The following ARMC8 variants were observed in gnomAD, a reference collection of about 807,000 sequenced individuals.
ARMC8 encodes armadillo repeat containing 8, also known as armadillo repeat-containing protein 8.
In ARMC8, 20 loss-of-function variants were observed where a neutral mutation model predicts 99.3. The observed-to-expected ratio is 0.20, with a 90% CI of 0.14 to 0.29. The LOEUF is 0.29. Among genes scored for constraint, ARMC8 ranks in the 10% least tolerant of loss-of-function variants. The probability of loss-of-function intolerance (pLI) is 1.00; values close to 1 mark genes in which losing one functional copy is unlikely to be tolerated. For missense variants in ARMC8, 569 were observed against 809.5 expected, an observed-to-expected ratio of 0.70 and a Z score of 3.60; for synonymous variants, 263 against 278.3, an observed-to-expected ratio of 0.95 and a Z score of 0.55.
chr3:138,222,917 G>T (rs2045479657), intron 3 of ARMC8, among the ~76,000 whole-genome samples: 1 of 152,186 alleles, frequency 6.6e-6, no homozygotes, highest in South Asian at 2.1e-4. Context: ...GGAGAAAGAA[G>T]AAACTACCTT....
chr3:138,200,084 A>G (rs1004152831), intron 1 of ARMC8, among the ~76,000 whole-genome samples: 4 of 152,186 alleles, frequency 2.6e-5, no homozygotes, highest in South Asian at 2.1e-4. Context: ...TTTTTTGGCT[A>G]TCTTGAAGTG....
chr3:138,234,775 T>C (rs148126590), intron 6 of ARMC8, among the ~76,000 whole-genome samples: 7 of 152,338 alleles, frequency 4.6e-5, no homozygotes, highest in Middle Eastern at 3.4e-3. Context: ...TGTGCCAACA[T>C]AGCTTCTGGG....
At chr3:138,286,190 G>A (rs1348465902) in intron 19 of ARMC8, among the ~76,000 whole-genome samples, 1 of 152,150 alleles carries the variant, frequency 6.6e-6, no homozygotes, top group Non-Finnish European at 1.5e-5. Context: ...TGATCCACCT[G>A]TCTCGGCCTC....
chr3:138,220,310 A>G (rs1321608691), intron 2 of ARMC8, among the ~76,000 whole-genome samples: 3 of 152,246 alleles, frequency 2.0e-5, no homozygotes, highest in Non-Finnish European at 4.4e-5. Context: ...TAACAACCTC[A>G]GTAAACTTCA....
intron 1 of ARMC8, chr3:138,188,329 C>A: frequency 1.6e-6 from 2 of 1,253,278 alleles, no homozygotes; most frequent in South Asian, 1.7e-5. Flanking sequence ...GATTTATTTC[C>A]CCATTGTTGA....
chr3:138,230,621 T>A (rs2045981260), intron 6 of ARMC8, among the ~76,000 whole-genome samples: 1 of 152,108 alleles, frequency 6.6e-6, no homozygotes, highest in African/African-American at 2.4e-5. Context: ...ACCACTGTAC[T>A]TCAGCCTGAG....
In ARMC8 at chr3:138,231,961, C is replaced by CTTTTTT. The variant is rs61298993; in HGVS notation, c.528+2973_528+2978dup. 1.4e-3 allele frequency among the ~76,000 whole-genome samples: 85 copies of CTTTTTT among 58,636 alleles called. 19 individuals carry two copies. The highest frequency in any genetic ancestry group is 5.9e-3 in the African/African-American group (72 of 12,176). 38.5% of individuals were successfully genotyped at this position (58,636 alleles called of 152,430 possible). ...GCCACTAATTCTTTCCTTGCAATTG[C>CTTTTTT]TTTTTTTTTTTTTTTTTTTTTTTTT... On this transcript the variant is annotated intron_variant, in intron 6 of 21. Coordinates refer to ENST00000469044, the MANE Select transcript of ARMC8 (RefSeq NM_001363941.2).
intron 11 of ARMC8, 145 bp downstream of exon 11, chr3:138,242,128 G>A: frequency 1.5e-6 from 1 of 681,240 alleles, no homozygotes; most frequent in Non-Finnish European, 2.4e-6. Context: ...AGATAATATT[G>A]CTTTGTGAAT....
chr3:138,229,143 T>A (rs1386820540), intron 6 of ARMC8, 133 bp downstream of exon 6: 1 of 44,696 alleles, frequency 2.2e-5, no homozygotes, highest in Non-Finnish European at 3.8e-5. Context: ...TGTATATATA[T>A]ATATATATAT....
Position 138,235,038 on chromosome 3 carries a change from C to T in ARMC8, c.533C>T (p.Pro178Leu), listed in dbSNP as rs1457173188. ...CQIFSHCCKGPDHQTILFNHG... is the reference protein window; with the variant it reads ...CQIFSHCCKGLDHQTILFNHG... ...TTGTATTCTTTTTTCTTACAGGGGC[C>T]AGATCATCAAACAATTTTATTTAAC... The change falls in exon 7 of 22, where the codon CCA becomes CTA. Residue 178 changes from proline to leucine, a missense_variant. Pro to Leu is a moderately conservative substitution (Grantham distance 98, BLOSUM62 -3). This residue lies in a region of ARMC8 where 342 missense variants were observed against 391.6 expected (regional missense o/e 0.87). Coordinates refer to ENST00000469044, the MANE Select transcript of ARMC8 (RefSeq NM_001363941.2). 3 of 1,612,838 alleles carry T rather than the reference C, an allele frequency of 1.9e-6. No individual in the cohort carries two copies. In the African/African-American group the frequency reaches 4.0e-5, roughly 22 times the overall value.
At chr3:138,233,472 A>G (rs1008359196) in intron 6 of ARMC8, among the ~76,000 whole-genome samples, 2 of 152,166 alleles carry the variant, frequency 1.3e-5, no homozygotes, top group Non-Finnish European at 2.9e-5. Flanking sequence ...AAAATATACA[A>G]TGGGGGTTTG....
chr3:138,230,471 C>T (rs1253302383), intron 6 of ARMC8, among the ~76,000 whole-genome samples: 5 of 151,848 alleles, frequency 3.3e-5, no homozygotes, highest in South Asian at 2.1e-4. Context: ...GGCAACATGG[C>T]GAAACCCCAT....
At chr3:138,201,705 C>T (rs1160217303) in intron 1 of ARMC8, among the ~76,000 whole-genome samples, 3 of 152,010 alleles carry the variant, frequency 2.0e-5, no homozygotes, top group South Asian at 2.1e-4. Context: ...ACTCTCTGCC[C>T]GCCTCGGTCT....
intron 2 of ARMC8, among the ~76,000 whole-genome samples, chr3:138,215,196 G>T (rs113831998): frequency 6.6e-6 from 1 of 151,828 alleles, no homozygotes; most frequent in East Asian, 1.9e-4. Flanking sequence ...ATATATTTGC[G>T]TGCATATGTG....
At chr3:138,270,449 C>CA (rs1251471492) in intron 16 of ARMC8, among the ~76,000 whole-genome samples, 3 of 152,196 alleles carry the variant, frequency 2.0e-5, no homozygotes, top group African/African-American at 7.2e-5. Flanking sequence ...ACCTACTTTA[C>CA]AAAGCACTTT....
chr3:138,232,093 C>T (rs2046075223), intron 6 of ARMC8, among the ~76,000 whole-genome samples: 1 of 149,124 alleles, frequency 6.7e-6, no homozygotes, highest in African/African-American at 2.5e-5. Flanking sequence ...GCCACAGCCT[C>T]CCGAGTAGCT....
chr3:138,274,580 A>C, intron 18 of ARMC8, 36 bp downstream of exon 18: 1 of 1,491,512 alleles, frequency 6.7e-7, no homozygotes, highest in Non-Finnish European at 9.3e-7. Context: ...ATATTTTCTG[A>C]ATGTGAGCAC....
At chr3:138,257,684 A>AT (rs1356255735) in intron 12 of ARMC8, among the ~76,000 whole-genome samples, 1 of 152,214 alleles carries the variant, frequency 6.6e-6, no homozygotes, top group Admixed American at 6.5e-5. Flanking sequence ...TAAAAAAAAA[A>AT]TTTAAGTGAG....
intron 14 of ARMC8, among the ~76,000 whole-genome samples, chr3:138,264,946 A>G (rs2108271048): frequency 6.6e-6 from 1 of 150,508 alleles, no homozygotes; most frequent in African/African-American, 2.4e-5. Flanking sequence ...CACACAGGCT[A>G]GAGTGCAGTG....
Sources: allele counts gnomAD v4.1 joint callset (sites outside exome capture counted in the v4.1 genomes callset), GRCh38; gene constraint gnomAD v4.1.1; regional missense constraint gnomAD v4.1.1; transcripts MANE v1.5; gene names NCBI Gene and HGNC (gene_info 2026-07-23, HGNC 2026-07-21).